Variants in CLGN observed in about 807,000 individuals in gnomAD.
CLGN encodes calmegin, also known as testis tissue sperm-binding protein Li 79P.
In CLGN, 62 loss-of-function variants were observed where a neutral mutation model predicts 79.1. That is an observed-to-expected ratio of 0.78 (90% CI 0.64 to 0.97). CLGN has a LOEUF of 0.97. Ranked by LOEUF, CLGN falls within the 50% of genes least tolerant of loss-of-function variation. CLGN has a pLI of 0.00. For missense variants in CLGN, 647 were observed against 715.5 expected, an observed-to-expected ratio of 0.90 and a Z score of 1.09; for synonymous variants, 225 against 224.7, an observed-to-expected ratio of 1.00 and a Z score of -0.01.
intron 1 of CLGN, among the ~76,000 whole-genome samples, chr4:140,420,986 AT>A (rs1265710908): frequency 6.6e-6 from 1 of 152,066 alleles, no homozygotes. Flanking sequence ...CCTGGAAACC[AT>A]CTTTCTAATA....
chr4:140,392,447 T>C (rs1728793045), intron 12 of CLGN, 69 bp from the exon 13 acceptor site: 20 of 1,506,918 alleles, frequency 1.3e-5, no homozygotes, highest in Non-Finnish European at 1.6e-5. Context: ...TTTGCAATAA[T>C]TGATAACATA....
chr4:140,409,313 C>T (rs1729168965), intron 4 of CLGN, among the ~76,000 whole-genome samples: 1 of 151,932 alleles, frequency 6.6e-6, no homozygotes, highest in African/African-American at 2.4e-5. Flanking sequence ...GACAATATGA[C>T]CCCTGCCTAT....
rs533174138 is a variant in CLGN, at chr4:140,390,662, C to T, written c.1718G>A (p.Ser573Asn). The change falls in exon 14 of 15, where the codon AGT becomes AAT. Residue 573 changes from serine to asparagine, a missense_variant. By Grantham distance (46) the Ser-to-Asn change is conservative (BLOSUM62 1). Coordinates refer to ENST00000325617, the MANE Select transcript of CLGN (RefSeq NM_004362.3). ...EIEIIEGQEE[S>N]NQSNKSGSED... Reference sequence around the variant, plus strand: ...TGACCCAGACTTATTTGATTGATTACTTTCTTCTTGCCCTTCTATGATTTC... The same window carrying T: ...TGACCCAGACTTATTTGATTGATTATTTTCTTCTTGCCCTTCTATGATTTC... 29 of 1,604,682 alleles carry T rather than the reference C, an allele frequency of 1.8e-5. No individual in the cohort carries two copies. The Admixed American group carries it at 3.0e-4, about 17-fold the overall frequency.
At chr4:140,413,614 G>A (rs962450845) in intron 1 of CLGN, among the ~76,000 whole-genome samples, 7 of 152,156 alleles carry the variant, frequency 4.6e-5, no homozygotes, top group Non-Finnish European at 1.0e-4. Flanking sequence ...CTGGAAAATC[G>A]GGTCACTCCC....
In CLGN at chr4:140,401,981, A is replaced by T. The variant is rs777557260; in HGVS notation, c.501+4T>A. The T allele has an allele frequency of 1.4e-6, 2 of 1,462,812 alleles. No homozygotes were observed. Among genetic ancestry groups the T allele is most frequent in the Non-Finnish European group, 1.9e-6 (2 of 1,066,360 alleles). 90.6% of individuals were successfully genotyped at this position (1,462,812 alleles called of 1,614,324 possible). A position where few individuals can be genotyped will look rare whatever the true frequency, so the allele number is the denominator to read the frequency against. On this transcript the variant is annotated splice_donor_region_variant and intron_variant, in intron 6 of 14. Coordinates refer to ENST00000325617, the MANE Select transcript of CLGN (RefSeq NM_004362.3). ...AGGTTTTCTTAAATATTAAAATATC[A>T]TACCAGAATCAAATCATCAGTGTCT...
chr4:140,407,177 A>G (rs868800708), intron 4 of CLGN, among the ~76,000 whole-genome samples: 3 of 152,034 alleles, frequency 2.0e-5, no homozygotes, highest in Admixed American at 2.0e-4. Flanking sequence ...ATTTGGTCAT[A>G]TTATATTTTT....
intron 1 of CLGN, among the ~76,000 whole-genome samples, chr4:140,413,598 C>T (rs889978119): frequency 6.6e-5 from 10 of 152,318 alleles, no homozygotes; most frequent in East Asian, 3.9e-4. Flanking sequence ...GGGTGACGGA[C>T]GGCACCTGGA....
At chr4:140,411,680 T>A (rs911217157) in intron 2 of CLGN, among the ~76,000 whole-genome samples, 4 of 152,044 alleles carry the variant, frequency 2.6e-5, no homozygotes, top group African/African-American at 9.7e-5. Flanking sequence ...GGGAGGGAAA[T>A]CAGTAATTAC....
chr4:140,398,401 C>G lies in CLGN; in HGVS notation c.884+450G>C, dbSNP rs538816094. On this transcript the variant is annotated intron_variant, in intron 8 of 14. Transcript: ENST00000325617. ...TCTCCTGCCTCAGCCTCCCGAGTAG[C>G]TGGGATTACAGGCACCCGCCGCCAT... 4.0e-5 allele frequency among the ~76,000 whole-genome samples: 6 copies of G among 151,282 alleles called. No individual in the cohort carries two copies. In the South Asian group the frequency reaches 1.3e-3, roughly 32 times the overall value.
chr4:140,421,122 T>C (rs1210256530), intron 1 of CLGN, among the ~76,000 whole-genome samples: 1 of 152,148 alleles, frequency 6.6e-6, no homozygotes, highest in Middle Eastern at 3.2e-3. Flanking sequence ...TGTTGTAGCA[T>C]GTATCAAATT....
chr4:140,400,762 G>T (rs933219862), intron 6 of CLGN, among the ~76,000 whole-genome samples: 19 of 152,072 alleles, frequency 1.2e-4, no homozygotes, highest in African/African-American at 4.6e-4. Context: ...ACTTCCTGAC[G>T]ATGTGGGACA....
chr4:140,424,104 T>G (rs145888615), intron 1 of CLGN, among the ~76,000 whole-genome samples: 1 of 152,288 alleles, frequency 6.6e-6, no homozygotes, highest in East Asian at 1.9e-4. Flanking sequence ...AAGGTGTAAG[T>G]TAGGTTGTTA....
rs149194456 is a variant in CLGN at position 140,399,063 on chromosome 4, T to TTA, written c.695-25_695-24dup. 792 of 1,560,856 alleles carry TTA rather than the reference T, an allele frequency of 5.1e-4. 8 individuals carry two copies. The East Asian group carries it at 0.015, about 30-fold the overall frequency. On this transcript the variant is annotated intron_variant, in intron 7 of 14. Coordinates refer to ENST00000325617, the MANE Select transcript of CLGN (RefSeq NM_004362.3). ...TCACTAAGGGACCAATTTAAATAAA[T>TTA]TATAGTTATCATTTTGATATACGCT...
chr4:140,390,714 G>T lies in CLGN; in HGVS notation c.1666C>A (p.Pro556Thr). The change falls in exon 14 of 15, where the codon CCT becomes ACT. Residue 556 changes from proline to threonine, a missense_variant. Coordinates refer to ENST00000325617, the MANE Select transcript of CLGN (RefSeq NM_004362.3). The part of the protein sequence containing the change: ...EMLEKEEESE[P>T]EEKSEEEIEI... The stretch of plus-strand genomic sequence containing the variant: ...ATTTCTTCTTCACTCTTTTCCTCAG[G>T]TTCACTTTCCTCTTCTAGAATACAG... 1 of 1,598,522 alleles carries T rather than the reference G, an allele frequency of 6.3e-7. No homozygotes were observed. Among genetic ancestry groups the T allele is most frequent in the South Asian group, 1.1e-5 (1 of 89,162 alleles).
At position 140,398,693 on chromosome 4, in the gene CLGN, T is replaced by A. The variant is rs1285683658; in HGVS notation, c.884+158A>T. Among the ~76,000 whole-genome samples the A allele has an allele frequency of 2.0e-5, 3 of 152,200 alleles. No individual in the cohort carries two copies. In the East Asian group the frequency reaches 5.8e-4, roughly 29 times the overall value. ...TAAAAAAAAATTACAGGGAGGGAAG[T>A]GTAAAATCCATTTTAGAAAATATTT... On this transcript the variant is annotated intron_variant, in intron 8 of 14. Coordinates refer to ENST00000325617, the MANE Select transcript of CLGN (RefSeq NM_004362.3).
intron 1 of CLGN, among the ~76,000 whole-genome samples, chr4:140,417,007 G>C (rs1205863305): frequency 1.6e-4 from 24 of 151,886 alleles, no homozygotes; most frequent in Middle Eastern, 3.2e-3. Context: ...CCACCATGAT[G>C]AAGTGGGCTT....
At chr4:140,426,442 C>G (rs945224402) in intron 1 of CLGN, among the ~76,000 whole-genome samples, 9 of 152,224 alleles carry the variant, frequency 5.9e-5, no homozygotes, top group Non-Finnish European at 1.3e-4. Context: ...TACAGAATAT[C>G]TTGTTCTGAG....
rs1728723718 is a variant in CLGN at position 140,388,923 on chromosome 4, T to G, written c.*301A>C. The stretch of plus-strand genomic sequence containing the variant: ...CAATAGCAATGAAGCTGCTACATAT[T>G]ATTTTGTTCTGTACAAACCAAAACT... On this transcript the variant is annotated 3_prime_UTR_variant, in exon 15 of 15. Coordinates refer to ENST00000325617, the MANE Select transcript of CLGN (RefSeq NM_004362.3). 4.0e-6 allele frequency: 1 copy of G among 253,108 alleles called. No homozygotes were observed. Among genetic ancestry groups the G allele is most frequent in the East Asian group, 7.4e-5 (1 of 13,460 alleles). 15.7% of individuals were successfully genotyped at this position (253,108 alleles called of 1,614,324 possible). A position where few individuals can be genotyped will look rare whatever the true frequency, so the allele number is the denominator to read the frequency against.
intron 10 of CLGN, among the ~76,000 whole-genome samples, chr4:140,394,485 C>T (rs1728833246): frequency 6.6e-6 from 1 of 152,180 alleles, no homozygotes; most frequent in South Asian, 2.1e-4. Flanking sequence ...GGCACAACTA[C>T]TCAACCTAAA....
Sources: gnomAD v4.1 joint callset for allele counts (sites outside exome capture counted in the v4.1 genomes callset) on GRCh38, gnomAD v4.1.1 for gene constraint, MANE v1.5 for transcripts, NCBI Gene and HGNC (gene_info 2026-07-23, HGNC 2026-07-21) for gene names.